Variants in POPDC1 observed in about 807,000 individuals in gnomAD.
POPDC1 encodes the protein popeye domain-containing protein 1.
chr6:105,116,690 A>G, the POPDC1 span: 2 of 1,560,032 alleles, frequency 1.3e-6, no homozygotes, highest in Non-Finnish European at 1.7e-6. Flanking sequence ...ATAAACTCAG[A>G]GAACACTTAC....
the POPDC1 span, chr6:105,100,977 C>G: frequency 1.5e-6 from 2 of 1,293,582 alleles, no homozygotes; most frequent in Non-Finnish European, 2.1e-6. Flanking sequence ...TCCGACTCCA[C>G]CAGTCTGGAT....
the POPDC1 span, chr6:105,100,566 ATATGTATGTATGTATG>A: frequency 7.0e-6 from 1 of 142,010 alleles, no homozygotes; most frequent in African/African-American, 2.7e-5. Flanking sequence ...ATATATATAT[ATATGTATGTATGTATG>A]TGTGTGTGTG....
At chr6:105,129,732 C>G in the POPDC1 span, among the ~76,000 whole-genome samples, 2 of 152,136 alleles carry the variant, frequency 1.3e-5, no homozygotes, top group African/African-American at 2.4e-5. Flanking sequence ...GGGTGGGTAA[C>G]ACAGATAGTG....
the POPDC1 span, chr6:105,124,643 G>A: frequency 6.2e-7 from 1 of 1,600,792 alleles, no homozygotes; most frequent in Non-Finnish European, 8.6e-7. Flanking sequence ...GTCCTCGATA[G>A]GAGACCTTCA....
At chr6:105,113,021 C>G in the POPDC1 span, among the ~76,000 whole-genome samples, 1 of 151,828 alleles carries the variant, frequency 6.6e-6, no homozygotes, top group Non-Finnish European at 1.5e-5. Flanking sequence ...ACCTTGACTT[C>G]CCCGGCTCAA....
At chr6:105,112,649 G>C in the POPDC1 span, among the ~76,000 whole-genome samples, 1 of 152,172 alleles carries the variant, frequency 6.6e-6, no homozygotes, top group African/African-American at 2.4e-5. Context: ...AGCACTACTT[G>C]ATCACAAGGA....
At chr6:105,100,070 T>C in the POPDC1 span, 1 of 152,190 alleles carries the variant, frequency 6.6e-6, no homozygotes, top group African/African-American at 2.4e-5. Context: ...AAGGGTAATG[T>C]GAGTAAAATC....
chr6:105,104,996 C>T, the POPDC1 span, among the ~76,000 whole-genome samples: 11 of 152,214 alleles, frequency 7.2e-5, no homozygotes, highest in East Asian at 1.7e-3. Flanking sequence ...CAAAGACATC[C>T]GTGAAAGAAA....
chr6:105,116,780 T>C, the POPDC1 span: 1 of 1,612,684 alleles, frequency 6.2e-7, no homozygotes, highest in Non-Finnish European at 8.5e-7. Context: ...AAAGATTTCA[T>C]ACAAGAAAGG....
At chr6:105,134,409 G>C in the POPDC1 span, among the ~76,000 whole-genome samples, 7 of 151,898 alleles carry the variant, frequency 4.6e-5, no homozygotes, top group African/African-American at 1.7e-4. Context: ...ACCTGTCTTC[G>C]GTCTCCGGTC....
At chr6:105,124,709 A>T in the POPDC1 span, 1 of 1,284,466 alleles carries the variant, frequency 7.8e-7, no homozygotes, top group Non-Finnish European at 1.1e-6. Context: ...TACCATGATA[A>T]TCCTTAAAAC....
At chr6:105,114,376 A>G in the POPDC1 span, among the ~76,000 whole-genome samples, 136,887 of 151,970 alleles carry the variant, frequency 0.9, 62,100 homozygotes, top group Non-Finnish European at 0.96. Context: ...AAAAGGAAGA[A>G]GTAAAGTTTT....
chr6:105,124,438 C>T, the POPDC1 span: 3 of 604,162 alleles, frequency 5.0e-6, no homozygotes, highest in Non-Finnish European at 8.7e-6. Flanking sequence ...CCTATGGTAA[C>T]TTGTTTTTCC....
chr6:105,109,626 T>C, the POPDC1 span, among the ~76,000 whole-genome samples: 9 of 151,530 alleles, frequency 5.9e-5, no homozygotes, highest in Non-Finnish European at 1.2e-4. Flanking sequence ...TAGTCCCAGC[T>C]ACTCAGAAGG....
At chr6:105,109,509 G>A in the POPDC1 span, among the ~76,000 whole-genome samples, 140 of 151,896 alleles carry the variant, frequency 9.2e-4, no homozygotes, top group African/African-American at 3.2e-3. Flanking sequence ...AGGCCAAGAC[G>A]GACAGATCAC....
At chr6:105,113,413 C>A in the POPDC1 span, among the ~76,000 whole-genome samples, 1 of 152,318 alleles carries the variant, frequency 6.6e-6, no homozygotes, top group South Asian at 2.1e-4. Flanking sequence ...TCTCACTAGG[C>A]CCTTCCTGAG....
chr6:105,100,975 C>T, the POPDC1 span: 1,209,448 of 1,265,296 alleles, frequency 0.96, 578,230 homozygotes, highest in African/African-American at 0.99. Context: ...CCTCCGACTC[C>T]ACCAGTCTGG....
the POPDC1 span, among the ~76,000 whole-genome samples, chr6:105,117,561 C>T: frequency 1.3e-5 from 2 of 152,170 alleles, no homozygotes. Flanking sequence ...CGAAACAGAG[C>T]TCAAGTATCC....
At chr6:105,105,891 T>C in the POPDC1 span, among the ~76,000 whole-genome samples, 6 of 152,220 alleles carry the variant, frequency 3.9e-5, no homozygotes, top group Non-Finnish European at 5.9e-5. Flanking sequence ...AGGAGGTTAC[T>C]GTAAGGTTCA....
Sources: gnomAD v4.1 joint callset for allele counts (sites outside exome capture counted in the v4.1 genomes callset) on GRCh38, gnomAD v4.1.1 for gene constraint, MANE v1.5 for transcripts, NCBI Gene and HGNC (gene_info 2026-07-23, HGNC 2026-07-21) for gene names.